TENM1: variants seen among roughly 807,000 people sequenced by gnomAD.
The protein encoded by TENM1 is teneurin-1.
In TENM1, 35 loss-of-function variants were observed where a neutral mutation model predicts 174.8. The observed-to-expected ratio is 0.20, with a 90% CI of 0.15 to 0.27. TENM1 has a LOEUF of 0.27. TENM1 is among the 10% of genes least tolerant of loss of function. The probability of loss-of-function intolerance (pLI) is 1.00; values close to 1 mark genes in which losing one functional copy is unlikely to be tolerated. For synonymous variants in TENM1, 781 were observed against 798.7 expected, an observed-to-expected ratio of 0.98 and a Z score of 0.37; for missense variants, 1,633 against 2,130.1, an observed-to-expected ratio of 0.77 and a Z score of 4.59.
chrX:124,953,758 G>C (rs948849799), intron 1 of TENM1, among the ~76,000 whole-genome samples: 1 of 111,716 alleles, frequency 9.0e-6, no homozygotes, highest in African/African-American at 3.3e-5. Flanking sequence ...ATATTATGTA[G>C]ATCCTCAAAA....
At chrX:125,151,128 C>T in the TENM1 span, among the ~76,000 whole-genome samples, 1 of 111,794 alleles carries the variant, frequency 8.9e-6, no homozygotes, top group Non-Finnish European at 1.9e-5. Context: ...TAATGCATCC[C>T]GAGCTTATAG....
At chrX:124,472,330 T>TAAAAAAAAA (rs34695864) in intron 22 of TENM1, among the ~76,000 whole-genome samples, 1 of 18,680 alleles carries the variant, frequency 5.4e-5, no homozygotes, top group African/African-American at 2.3e-4. Context: ...ATGCTTGACG[T>TAAAAAAAAA]AAAAAAAAAA....
At chrX:124,695,204 A>G (rs944922806) in intron 5 of TENM1, among the ~76,000 whole-genome samples, 9 of 111,250 alleles carry the variant, frequency 8.1e-5, no homozygotes, top group Middle Eastern at 4.6e-3. Flanking sequence ...ATTTAGCCCC[A>G]GTTGATGGTT....
the TENM1 span, among the ~76,000 whole-genome samples, chrX:125,082,884 G>A: frequency 8.1e-5 from 9 of 111,238 alleles, no homozygotes; most frequent in South Asian, 3.4e-3. Context: ...TCATATCAGG[G>A]TAAATGGAGT....
At chrX:124,667,522 G>A (rs1366759827) in intron 6 of TENM1, among the ~76,000 whole-genome samples, 4 of 107,646 alleles carry the variant, frequency 3.7e-5, no homozygotes, top group South Asian at 8.5e-4. Flanking sequence ...CCTGGGAGGC[G>A]GAGGTTGCAG....
chrX:124,647,019 C>A (rs5958547), intron 8 of TENM1, among the ~76,000 whole-genome samples: 11,653 of 110,514 alleles, frequency 0.11, 1,301 homozygotes, highest in African/African-American at 0.33. Flanking sequence ...GGTTTGCTGA[C>A]TTGGCCAATC....
At chrX:124,636,662 C>A (rs753078688) in intron 11 of TENM1, among the ~76,000 whole-genome samples, 1 of 111,998 alleles carries the variant, frequency 8.9e-6, no homozygotes, top group South Asian at 3.8e-4. Context: ...GGCCTGAGGG[C>A]TGAAAAGAAT....
At position 124,739,902 on chromosome X, in the gene TENM1, G is replaced by A. The variant is rs188335243; in HGVS notation, c.536-2705C>T. 1.1e-4 allele frequency among the ~76,000 whole-genome samples: 12 copies of A among 112,355 alleles called. No homozygotes were observed. In the East Asian group the frequency reaches 3.4e-3, roughly 32 times the overall value. ...CATGGGACCCAGATAATCACCTTCT[G>A]TGTTCCCTTTGGCTCTCATTCTGAT... On this transcript the variant is annotated intron_variant, in intron 3 of 31. Transcript: ENST00000422452.
the TENM1 span, among the ~76,000 whole-genome samples, chrX:125,099,097 T>C: frequency 8.9e-6 from 1 of 112,614 alleles, no homozygotes; most frequent in Non-Finnish European, 1.9e-5. Flanking sequence ...TGCTTAGCAG[T>C]AGAAGGCTCA....
intron 20 of TENM1, among the ~76,000 whole-genome samples, chrX:124,494,551 G>A (rs1158579391): frequency 2.7e-5 from 3 of 109,650 alleles, no homozygotes; most frequent in African/African-American, 9.9e-5. Context: ...TAGGGTACAT[G>A]TGCACATTGT....
intron 3 of TENM1, among the ~76,000 whole-genome samples, chrX:124,829,746 T>C (rs1474867184): frequency 8.9e-6 from 1 of 112,284 alleles, no homozygotes; most frequent in Non-Finnish European, 1.9e-5. Context: ...ACAACTTCAC[T>C]ATTTCCTGTA....
the TENM1 span, among the ~76,000 whole-genome samples, chrX:125,134,168 A>G: frequency 8.9e-6 from 1 of 112,124 alleles, no homozygotes; most frequent in African/African-American, 3.2e-5. Flanking sequence ...TAAGATTACA[A>G]GAGCTCACTG....
intron 14 of TENM1, among the ~76,000 whole-genome samples, chrX:124,559,906 T>C (rs1489918362): frequency 2.7e-5 from 3 of 110,669 alleles, no homozygotes; most frequent in African/African-American, 9.9e-5. Flanking sequence ...CCATGGGTAA[T>C]TGAGGAGGTG....
chrX:124,457,030 A>G (rs1418957361), intron 22 of TENM1, among the ~76,000 whole-genome samples: 1 of 112,309 alleles, frequency 8.9e-6, no homozygotes. Context: ...CAAAGCAAGT[A>G]AAAATACAGA....
chrX:124,598,194 CCA>C (rs1203033043), intron 11 of TENM1, among the ~76,000 whole-genome samples: 1 of 81,530 alleles, frequency 1.2e-5, no homozygotes, highest in East Asian at 4.0e-4. Flanking sequence ...TCATCTAACC[CCA>C]GTTAAAATGG....
intron 1 of TENM1, among the ~76,000 whole-genome samples, chrX:124,951,668 AT>A (rs1569487528): frequency 0.028 from 1,829 of 65,200 alleles, 40 homozygotes; most frequent in African/African-American, 0.07. Flanking sequence ...ATATATATAT[AT>A]ATATAACAAT....
At chrX:124,543,594 C>T (rs1415891011) in intron 15 of TENM1, among the ~76,000 whole-genome samples, 1 of 112,246 alleles carries the variant, frequency 8.9e-6, no homozygotes, top group Admixed American at 9.4e-5. Context: ...TGCTTAGACA[C>T]TAAAGATCAA....
intron 23 of TENM1, among the ~76,000 whole-genome samples, chrX:124,438,033 G>A (rs1479080226): frequency 8.9e-6 from 1 of 112,000 alleles, no homozygotes; most frequent in Admixed American, 9.4e-5. Flanking sequence ...AGTGGGAGTA[G>A]GTTTAAAGGT....
At chrX:124,955,625 T>C (rs2058559722) in intron 1 of TENM1, among the ~76,000 whole-genome samples, 2 of 111,381 alleles carry the variant, frequency 1.8e-5, no homozygotes, top group Admixed American at 9.6e-5. Context: ...TCATCTCTTT[T>C]ACTCCCGTAG....
Sources: allele counts gnomAD v4.1 joint callset (sites outside exome capture counted in the v4.1 genomes callset), GRCh38; gene constraint gnomAD v4.1.1; transcripts MANE v1.5; gene names NCBI Gene and HGNC (gene_info 2026-07-23, HGNC 2026-07-21).